FMN1: variants seen among roughly 807,000 people sequenced by gnomAD.
FMN1 encodes the protein formin-1.
FMN1 carries 110 observed loss-of-function variants against 132.4 expected under a neutral mutation model. The ratio of observed to expected loss-of-function variants is 0.83; its 90% confidence interval spans 0.71 to 0.97. The LOEUF (loss-of-function observed/expected upper bound fraction) is 0.97. Ranked by LOEUF, FMN1 falls within the 50% of genes least tolerant of loss-of-function variation. The pLI, the probability that FMN1 is intolerant of heterozygous loss-of-function variation, is 0.00. For missense variants in FMN1, 1,792 were observed against 1,705.3 expected (o/e 1.05, Z -0.90); for synonymous variants, 722 against 651.7 (o/e 1.11, Z -1.64).
intron 19 of FMN1, among the ~76,000 whole-genome samples, chr15:32,792,423 C>G (rs555594146): frequency 1.3e-5 from 2 of 151,150 alleles, no homozygotes; most frequent in Non-Finnish European, 2.9e-5. Context: ...CCAGCCTGGG[C>G]GACAGAGCAA....
rs200619100 is a variant in FMN1, at chr15:32,968,811, C to G, written c.2890G>C (p.Gly964Arg). ...PPPPGLFFGLGSSSSQCPRKP... is the reference protein window; with the variant it reads ...PPPPGLFFGLRSSSSQCPRKP... ...CGAGGACATTGACTGGAAGAAGAGC[C>G]AAGTCCAAAGAAGAGTCCAGGGGGA... The change falls in exon 8 of 21, where the codon GGC becomes CGC. Residue 964 changes from glycine (G) to arginine (R), a missense_variant. Physicochemically the swap from Gly to Arg is moderately radical, Grantham distance 125. Around this residue, in one of 3 missense-constraint regions of FMN1, gnomAD observed 1,150 missense variants for 1,043.1 expected, o/e 1.10. Transcript: ENST00000616417. The G allele has an allele frequency of 2.5e-6, 4 of 1,588,852 alleles. No individual in the cohort carries two copies. The East Asian group carries it at 6.8e-5, about 27-fold the overall frequency.
chr15:32,906,819 A>G (rs77529699), intron 12 of FMN1, among the ~76,000 whole-genome samples: 7,148 of 152,296 alleles, frequency 0.047, 555 homozygotes, highest in African/African-American at 0.16. Context: ...CAAGACAGCA[A>G]GGGAACCTCA....
intron 10 of FMN1, among the ~76,000 whole-genome samples, chr15:32,917,230 G>A (rs983422375): frequency 2.0e-5 from 3 of 152,164 alleles, no homozygotes; most frequent in African/African-American, 7.2e-5. Flanking sequence ...ATCTGCTCCC[G>A]CTGAAGAGCT....
intron 6 of FMN1, among the ~76,000 whole-genome samples, chr15:33,015,752 C>T (rs986558282): frequency 6.6e-6 from 1 of 152,098 alleles, no homozygotes; most frequent in African/African-American, 2.4e-5. Context: ...GATACTCAAT[C>T]AGTGCTTCCA....
chr15:32,893,385 C>T (rs573790646), intron 15 of FMN1, among the ~76,000 whole-genome samples: 11 of 151,778 alleles, frequency 7.2e-5, no homozygotes, highest in East Asian at 3.9e-4. Flanking sequence ...TGTGTGTGCG[C>T]GCTCGTGCGC....
At chr15:32,810,114 A>C (rs1384118592) in intron 17 of FMN1, among the ~76,000 whole-genome samples, 2 of 151,956 alleles carry the variant, frequency 1.3e-5, no homozygotes, top group African/African-American at 4.8e-5. Flanking sequence ...ACAGGGTTTC[A>C]CCATGTTGGC....
chr15:33,069,972 G>C (rs1383312809), intron 5 of FMN1, among the ~76,000 whole-genome samples: 1 of 131,660 alleles, frequency 7.6e-6, no homozygotes, highest in African/African-American at 2.7e-5. Context: ...GATCACAACA[G>C]ATCATAAGAT....
chr15:32,880,627 A>G (rs141536717), intron 16 of FMN1, among the ~76,000 whole-genome samples: 1 of 152,156 alleles, frequency 6.6e-6, no homozygotes, highest in Non-Finnish European at 1.5e-5. Flanking sequence ...TGTATGGGAG[A>G]TAAGTATTTT....
rs556722464 is a variant in FMN1 at position 32,899,251 on chromosome 15, C to A, written c.3655-358G>T. Among the ~76,000 whole-genome samples, 133 of 152,306 alleles carry A rather than the reference C, an allele frequency of 8.7e-4. 3 individuals are homozygous for A. The South Asian group carries it at 0.027, about 30-fold the overall frequency. Reference sequence around the variant, plus strand: ...AGGGCCTAGAACAGAAAAGCACCCTCCCTGCCCGTCTTTCAAAAAATGTGC... The same window carrying A: ...AGGGCCTAGAACAGAAAAGCACCCTACCTGCCCGTCTTTCAAAAAATGTGC... On this transcript the variant is annotated intron_variant, in intron 14 of 20. Transcript: ENST00000616417.
intron 4 of FMN1, among the ~76,000 whole-genome samples, chr15:33,121,014 G>C (rs934812871): frequency 3.3e-5 from 5 of 151,990 alleles, no homozygotes; most frequent in African/African-American, 1.2e-4. Context: ...CTTAATTATA[G>C]GATAGTACTC....
chr15:33,081,330 G>C (rs1174147535), intron 5 of FMN1, among the ~76,000 whole-genome samples: 1 of 152,108 alleles, frequency 6.6e-6, no homozygotes, highest in African/African-American at 2.4e-5. Flanking sequence ...TTAAAAAATT[G>C]ATATACGTAT....
chr15:33,128,188 G>C (rs972939731), intron 4 of FMN1, among the ~76,000 whole-genome samples: 1 of 151,488 alleles, frequency 6.6e-6, no homozygotes, highest in Middle Eastern at 3.2e-3. Context: ...CAAACAAATT[G>C]CTCCCGGGAA....
Position 33,154,081 on chromosome 15 carries a change from C to T in FMN1, c.834G>A (p.Gly278=), listed in dbSNP as rs1313401785. The T allele has an allele frequency of 2.6e-6, 4 of 1,536,086 alleles. No homozygotes were observed. The South Asian group carries it at 4.8e-5, about 18-fold the overall frequency. Residue 278 remains glycine (G), a synonymous_variant, in exon 4 of 21, where the codon GGG becomes GGA. Coordinates refer to ENST00000616417, the MANE Select transcript of FMN1 (RefSeq NM_001277313.2). ...PPDCSSTEAG[G]DGIRRPPSGL... ...CGCTCGGCGGCCTCCGAATGCCATC[C>T]CCTCCTGCCTCTGTGGAGCTGCAGT...
At chr15:32,935,633 C>T (rs2061247146) in intron 9 of FMN1, among the ~76,000 whole-genome samples, 1 of 145,864 alleles carries the variant, frequency 6.9e-6, no homozygotes, top group Admixed American at 6.9e-5. Context: ...TTTCTTTACT[C>T]TTTTTTTTTT....
intron 4 of FMN1, among the ~76,000 whole-genome samples, chr15:33,139,555 C>T (rs1963921418): frequency 6.6e-6 from 1 of 152,246 alleles, no homozygotes. Flanking sequence ...CACGCCACTG[C>T]ACTCCAGCCA....
chr15:33,019,101 A>G (rs345836), intron 6 of FMN1, among the ~76,000 whole-genome samples: 98,251 of 151,938 alleles, frequency 0.65, 32,765 homozygotes, highest in Non-Finnish European at 0.73. Context: ...GGCCCCACCC[A>G]CATCCTGCTC....
chr15:33,154,813 G>C lies in FMN1; in HGVS notation c.102C>G (p.Tyr34Ter). 6.5e-7 allele frequency: 1 copy of C among 1,536,164 alleles called. No individual in the cohort carries two copies. ...LPKGEVRGFSYKGTVTLDRSN... is the reference protein window; with the variant it reads ...LPKGEVRGFS ...ATCTGTCTAGAGTTACAGTGCCCTTGTATGAAAATCCTCTGACTTCCCCCT... is the reference window on the plus strand; with the variant it reads ...ATCTGTCTAGAGTTACAGTGCCCTTCTATGAAAATCCTCTGACTTCCCCCT... Residue 34 changes from tyrosine to a stop codon, truncating the protein, a stop_gained, in exon 4 of 21, where the codon TAC (tyrosine) becomes TAG (stop). Transcript: ENST00000616417. LOFTEE classifies it high-confidence loss of function.
At chr15:32,979,555 C>CAAAAAAAAAAAAAAA (rs66993265) in intron 7 of FMN1, among the ~76,000 whole-genome samples, 2 of 57,446 alleles carry the variant, frequency 3.5e-5, no homozygotes, top group Non-Finnish European at 7.8e-5. Flanking sequence ...GACTCTGTCT[C>CAAAAAAAAAAAAAAA]AAAAAAAAAA....
chr15:32,944,851 A>G (rs1025890634), intron 9 of FMN1, among the ~76,000 whole-genome samples: 10 of 152,204 alleles, frequency 6.6e-5, no homozygotes, highest in Admixed American at 1.3e-4. Context: ...ACAAACCCCC[A>G]AACAAAATCA....
Sources: gnomAD v4.1 joint callset for allele counts (sites outside exome capture counted in the v4.1 genomes callset) on GRCh38, gnomAD v4.1.1 for gene constraint, gnomAD v4.1.1 regional missense constraint, MANE v1.5 for transcripts, NCBI Gene and HGNC (gene_info 2026-07-23, HGNC 2026-07-21) for gene names.